PHF14: variants seen among roughly 807,000 people sequenced by gnomAD.
The protein encoded by PHF14 is PHD finger protein 14.
PHF14 carries 55 observed loss-of-function variants against 117.9 expected under a neutral mutation model. That is an observed-to-expected ratio of 0.47 (90% CI 0.38 to 0.58). PHF14 has a LOEUF of 0.58. Among genes scored for constraint, PHF14 ranks in the 20% least tolerant of loss-of-function variants. PHF14 has a pLI of 0.00. For synonymous variants in PHF14, 409 were observed against 368.6 expected, an observed-to-expected ratio of 1.11 and a Z score of -1.26; for missense variants, 978 against 1,122.2, an observed-to-expected ratio of 0.87 and a Z score of 1.84.
chr7:11,126,487 T>G (rs868493306), intron 17 of PHF14, among the ~76,000 whole-genome samples: 1 of 152,120 alleles, frequency 6.6e-6, no homozygotes, highest in Non-Finnish European at 1.5e-5. Context: ...AATCTTAATC[T>G]TTATTTTTTA....
intron 16 of PHF14, among the ~76,000 whole-genome samples, chr7:11,099,695 T>TTC (rs1359271903): frequency 1.3e-5 from 2 of 152,118 alleles, no homozygotes; most frequent in Non-Finnish European, 2.9e-5. Flanking sequence ...ATGAATGACC[T>TTC]TGAATCAAGT....
At chr7:10,997,692 T>G (rs1411551997) in intron 4 of PHF14, among the ~76,000 whole-genome samples, 1 of 152,196 alleles carries the variant, frequency 6.6e-6, no homozygotes, top group Admixed American at 6.5e-5. Context: ...TAGGCTTCAG[T>G]TCTTTGATGG....
At chr7:11,025,748 T>C (rs1302780581) in intron 6 of PHF14, among the ~76,000 whole-genome samples, 1 of 151,786 alleles carries the variant, frequency 6.6e-6, no homozygotes, top group African/African-American at 2.4e-5. Context: ...TGAGCCGAGA[T>C]CGTGCCATTG....
intron 3 of PHF14, among the ~76,000 whole-genome samples, chr7:10,986,600 T>C (rs1053522877): frequency 2.0e-5 from 3 of 152,210 alleles, no homozygotes; most frequent in African/African-American, 7.2e-5. Flanking sequence ...GACACCTGTT[T>C]TTGTCAATAA....
intron 17 of PHF14, among the ~76,000 whole-genome samples, chr7:11,122,379 A>T (rs1218810473): frequency 1.6e-5 from 2 of 128,030 alleles, no homozygotes; most frequent in Non-Finnish European, 1.6e-5. Context: ...ACACACACAC[A>T]CACACATACA....
At chr7:11,086,685 T>C (rs751400595) in intron 16 of PHF14, among the ~76,000 whole-genome samples, 1 of 152,200 alleles carries the variant, frequency 6.6e-6, no homozygotes, top group Non-Finnish European at 1.5e-5. Flanking sequence ...TTAAAAGTTA[T>C]AATTGTCAGA....
chr7:11,077,467 G>T (rs1478242736), intron 16 of PHF14, among the ~76,000 whole-genome samples: 1 of 151,864 alleles, frequency 6.6e-6, no homozygotes, highest in African/African-American at 2.4e-5. Context: ...CGGGTGTGGT[G>T]GCACGCGCCT....
Position 11,028,664 on chromosome 7 carries a change from CTGT to C in PHF14, c.1318-15_1318-13del, listed in dbSNP as rs1478799975. On this transcript the variant is annotated splice_polypyrimidine_tract_variant and intron_variant, in intron 6 of 17. Transcript: ENST00000634607. ...AAATAAGTTTGCTTTGAGAATTTTTCTGTTACTTTGTTGTAGGAGTGTAGCTTT... is the reference window on the plus strand; with the variant it reads ...AAATAAGTTTGCTTTGAGAATTTTTCTACTTTGTTGTAGGAGTGTAGCTTT... 6.2e-7 allele frequency: 1 copy of C among 1,612,038 alleles called. No individual in the cohort carries two copies. The highest frequency in any genetic ancestry group is 1.7e-5 in the Admixed American group (1 of 59,730).
chr7:11,088,776 C>T (rs2906556), intron 16 of PHF14, among the ~76,000 whole-genome samples: 72,332 of 151,802 alleles, frequency 0.48, 17,855 homozygotes, highest in East Asian at 0.85. Flanking sequence ...ACTGAAAACA[C>T]TGTATAGGAG....
At chr7:11,078,812 A>C (rs939871931) in intron 16 of PHF14, among the ~76,000 whole-genome samples, 1 of 152,162 alleles carries the variant, frequency 6.6e-6, no homozygotes, top group Non-Finnish European at 1.5e-5. Flanking sequence ...GTTTGTAAGA[A>C]ACATTTTGTA....
intron 16 of PHF14, chr7:11,109,610 A>G (rs928340560): frequency 6.6e-6 from 1 of 151,848 alleles, no homozygotes; most frequent in Admixed American, 6.6e-5. Flanking sequence ...TTGGCTAATG[A>G]AAGGTAAATA....
intron 7 of PHF14, among the ~76,000 whole-genome samples, chr7:11,030,851 T>A (rs1784097664): frequency 6.6e-6 from 1 of 152,184 alleles, no homozygotes; most frequent in Non-Finnish European, 1.5e-5. Flanking sequence ...ATGTTACTGG[T>A]TTCTTGTTAT....
chr7:11,137,926 A>C (rs1465357845), intron 17 of PHF14, among the ~76,000 whole-genome samples: 1 of 151,976 alleles, frequency 6.6e-6, no homozygotes, highest in African/African-American at 2.4e-5. Flanking sequence ...ATAAAAAGGT[A>C]ACCTTTATAC....
intron 17 of PHF14, among the ~76,000 whole-genome samples, chr7:11,167,811 C>T (rs1211805231): frequency 6.6e-6 from 1 of 152,074 alleles, no homozygotes; most frequent in African/African-American, 2.4e-5. Context: ...GGGCAGATCA[C>T]GAGGTCAGGA....
intron 17 of PHF14, among the ~76,000 whole-genome samples, chr7:11,125,210 C>G (rs1787894336): frequency 6.6e-6 from 1 of 151,900 alleles, no homozygotes; most frequent in South Asian, 2.1e-4. Context: ...TGTATTTTAC[C>G]TCAGTCAAAT....
intron 13 of PHF14, among the ~76,000 whole-genome samples, chr7:11,048,861 G>A (rs993971135): frequency 3.3e-5 from 5 of 150,616 alleles, no homozygotes; most frequent in Non-Finnish European, 7.4e-5. Flanking sequence ...ATTCTGCATT[G>A]GCAGTTACAT....
intron 10 of PHF14, among the ~76,000 whole-genome samples, chr7:11,037,523 T>C (rs575736684): frequency 1.3e-4 from 20 of 152,320 alleles, no homozygotes; most frequent in Non-Finnish European, 2.4e-4. Context: ...AGCTTCACTT[T>C]CTAAGTTTGT....
At position 11,035,755 on chromosome 7, in the gene PHF14, A is replaced by G; in HGVS notation, c.1571A>G (p.Glu524Gly). The stretch of plus-strand genomic sequence containing the variant: ...TCCTATTGTAAAATGTCTTTGCAAG[A>G]GAGAGAGAAGCAACTATCACCAGAA... ...LQSYCKMSLQ[E>G]REKQLSPEAQ... The change falls in exon 8 of 18, where the codon GAG becomes GGG. Residue 524 changes from glutamate (E) to glycine (G), a missense_variant. By Grantham distance (98) the Glu-to-Gly change is moderately conservative. Transcript: ENST00000634607. 6.2e-7 allele frequency: 1 copy of G among 1,608,526 alleles called. No homozygotes were observed. The highest frequency in any genetic ancestry group is 8.5e-7 in the Non-Finnish European group (1 of 1,176,958).
intron 16 of PHF14, among the ~76,000 whole-genome samples, chr7:11,077,247 A>G (rs957797783): frequency 3.3e-5 from 5 of 152,016 alleles, no homozygotes; most frequent in African/African-American, 1.2e-4. Context: ...TATAGGCATA[A>G]TTATGTAAAA....
Sources: allele counts gnomAD v4.1 joint callset (sites outside exome capture counted in the v4.1 genomes callset), GRCh38; gene constraint gnomAD v4.1.1; transcripts MANE v1.5; gene names NCBI Gene and HGNC (gene_info 2026-07-23, HGNC 2026-07-21).